SFSWAP: variants seen among roughly 807,000 people sequenced by gnomAD.
The protein encoded by SFSWAP is splicing factor, suppressor of white-apricot homolog.
In SFSWAP, 17 loss-of-function variants were observed where a neutral mutation model predicts 100.7. The observed-to-expected ratio is 0.17, with a 90% CI of 0.12 to 0.25. The LOEUF is 0.25. Ranked by LOEUF, SFSWAP falls within the 10% of genes least tolerant of loss-of-function variation. The pLI is 1.00. For synonymous variants in SFSWAP, 504 were observed against 510.1 expected (o/e 0.99, Z 0.16); for missense variants, 1,005 against 1,262.6 (o/e 0.80, Z 3.09).
intron 7 of SFSWAP, among the ~76,000 whole-genome samples, chr12:131,750,783 C>T (rs1054064463): frequency 3.3e-5 from 5 of 152,214 alleles, no homozygotes; most frequent in Admixed American, 3.3e-4. Flanking sequence ...CCCCAAACTC[C>T]TGGGCTCAAG....
At chr12:131,771,699 G>GCTGGA (rs1343810385) in intron 13 of SFSWAP, among the ~76,000 whole-genome samples, 1 of 139,046 alleles carries the variant, frequency 7.2e-6, no homozygotes, top group Non-Finnish European at 1.5e-5. Flanking sequence ...CTGTCTCCAG[G>GCTGGA]CTGGAGTGCA....
intron 13 of SFSWAP, among the ~76,000 whole-genome samples, chr12:131,774,686 T>C (rs1343137693): frequency 1.3e-5 from 2 of 152,204 alleles, no homozygotes; most frequent in Non-Finnish European, 2.9e-5. Flanking sequence ...AAAAAAGCAG[T>C]AATGTCAACA....
At chr12:131,751,445 G>A (rs61942899) in intron 7 of SFSWAP, among the ~76,000 whole-genome samples, 3,142 of 152,302 alleles carry the variant, frequency 0.021, 56 homozygotes, top group Middle Eastern at 0.034. Context: ...GTAGCCAGTC[G>A]GTAGTGGGGT....
chr12:131,711,267 G>A lies in SFSWAP; in HGVS notation c.38G>A (p.Arg13Lys). 1 of 1,611,336 alleles carries A rather than the reference G, an allele frequency of 6.2e-7. No individual in the cohort carries two copies. ...GASGGRAKPERKSGAKEEAGP... is the reference protein window; with the variant it reads ...GASGGRAKPEKKSGAKEEAGP... ...AGCGGGGGCCGCGCCAAACCCGAGA[G>A]GAAAAGCGGCGCGAAGGAGGAGGCC... The change falls in exon 1 of 18, where the codon AGG becomes AAG. Residue 13 changes from arginine (R) to lysine (K), a missense_variant. Around this residue, in one of 7 missense-constraint regions of SFSWAP, gnomAD observed 237 missense variants for 337.0 expected, o/e 0.70. Coordinates refer to ENST00000261674, the MANE Select transcript of SFSWAP (RefSeq NM_004592.4). This position sits in a 1 kb window ranked among gnomAD's most constrained non-coding sequence, Gnocchi z 4.9.
intron 14 of SFSWAP, chr12:131,786,001 C>G (rs1884863040): frequency 6.5e-6 from 1 of 153,968 alleles, no homozygotes; most frequent in African/African-American, 2.4e-5. Context: ...AGTTTGATTG[C>G]CTTTTCTTAC....
chr12:131,720,370 T>C (rs1405479163), intron 4 of SFSWAP, among the ~76,000 whole-genome samples: 3 of 152,194 alleles, frequency 2.0e-5, no homozygotes, highest in Non-Finnish European at 2.9e-5. Context: ...ACTGGGAACG[T>C]TGGTCTTAAC....
chr12:131,729,894 C>T (rs1879340025), intron 7 of SFSWAP, among the ~76,000 whole-genome samples: 1 of 152,206 alleles, frequency 6.6e-6, no homozygotes, highest in Non-Finnish European at 1.5e-5. Flanking sequence ...GTTCTTTGCA[C>T]TTCCCTTTTA....
rs771446213 is a variant in SFSWAP, at chr12:131,714,265, C to A, written c.388+25C>A. ...GGTACTGCTCAAGACAAACTTACTT[C>A]AGCAACAAACTTTTTAAAATTTTTA... On this transcript the variant is annotated intron_variant, in intron 2 of 17. Coordinates refer to ENST00000261674, the MANE Select transcript of SFSWAP (RefSeq NM_004592.4). This position sits in a 1 kb window ranked among gnomAD's most constrained non-coding sequence, Gnocchi z 6.0. 6 of 1,559,974 alleles carry A rather than the reference C, an allele frequency of 3.8e-6. No homozygotes were observed. In the East Asian group the frequency reaches 1.4e-4, roughly 35 times the overall value.
At position 131,725,086 on chromosome 12, in the gene SFSWAP, T is replaced by G. The variant is rs1283428860; in HGVS notation, c.607-319T>G. Among the ~76,000 whole-genome samples, 1 of 152,198 alleles carries G rather than the reference T, an allele frequency of 6.6e-6. No homozygotes were observed. The highest frequency in any genetic ancestry group is 2.4e-5 in the African/African-American group (1 of 41,460). On this transcript the variant is annotated intron_variant, in intron 4 of 17. Transcript: ENST00000261674. This position sits in a 1 kb window ranked among gnomAD's most constrained non-coding sequence, Gnocchi z 4.3. ...TTGTAAAATTCACATGCACAGAGGA[T>G]TCACAAACCCCCTGAATTCCATCAT... is the stretch of plus-strand genomic sequence containing the variant.
chr12:131,764,385 A>T (rs1345093099), intron 11 of SFSWAP, 71 bp from the exon 12 acceptor site: 3 of 1,215,730 alleles, frequency 2.5e-6, no homozygotes, highest in Non-Finnish European at 3.6e-6. Context: ...GCCGATGCTC[A>T]GGTGGGTAGC....
In SFSWAP at chr12:131,727,007, T is replaced by C. The variant is rs1419159417; in HGVS notation, c.900T>C (p.Ser300=). ...DEEDGNYLHP[S]LFASKKCNRL... ...AAGATGGGAATTACCTTCATCCCTC[T>C]CTCTTTGCCTCCAAGAAGTGTAACC... Residue 300 remains serine, a synonymous_variant, in exon 6 of 18, where the codon TCT becomes TCC. Coordinates refer to ENST00000261674, the MANE Select transcript of SFSWAP (RefSeq NM_004592.4). 1 of 1,607,720 alleles carries C rather than the reference T, an allele frequency of 6.2e-7. No individual in the cohort carries two copies. Among genetic ancestry groups the C allele is most frequent in the Admixed American group, 1.7e-5 (1 of 59,004 alleles).
Position 131,778,380 on chromosome 12 carries a change from C to G in SFSWAP, c.2408+50C>G. On this transcript the variant is annotated intron_variant, in intron 14 of 17. Coordinates refer to ENST00000261674, the MANE Select transcript of SFSWAP (RefSeq NM_004592.4). This position sits in a 1 kb window ranked among gnomAD's most constrained non-coding sequence, Gnocchi z 4.2. Reference sequence around the variant, plus strand: ...CTGGTACCCTCATGACCCCCATGTCCTTCACAGGACACCCAGTAGAGCTAG... The same window carrying G: ...CTGGTACCCTCATGACCCCCATGTCGTTCACAGGACACCCAGTAGAGCTAG... 1 of 1,581,476 alleles carries G rather than the reference C, an allele frequency of 6.3e-7. No individual in the cohort carries two copies. Among genetic ancestry groups the G allele is most frequent in the Non-Finnish European group, 8.6e-7 (1 of 1,165,078 alleles).
At chr12:131,721,118 C>G (rs774603850) in intron 4 of SFSWAP, among the ~76,000 whole-genome samples, 2 of 152,106 alleles carry the variant, frequency 1.3e-5, no homozygotes, top group African/African-American at 4.8e-5. Context: ...CCAGATCTTA[C>G]GACAGCTCAT....
At chr12:131,735,864 C>T in intron 7 of SFSWAP, among the ~76,000 whole-genome samples, 1 of 152,246 alleles carries the variant, frequency 6.6e-6, no homozygotes, top group Non-Finnish European at 1.5e-5. Context: ...GCTTCATTTT[C>T]ACAGAAATGA....
At chr12:131,728,817 G>A (rs753955422) in intron 7 of SFSWAP, among the ~76,000 whole-genome samples, 5 of 151,584 alleles carry the variant, frequency 3.3e-5, no homozygotes, top group East Asian at 3.9e-4. Flanking sequence ...CTCCCACCTC[G>A]GTCTCTCTAG....
At chr12:131,747,743 G>A (rs191683866) in intron 7 of SFSWAP, among the ~76,000 whole-genome samples, 2 of 152,336 alleles carry the variant, frequency 1.3e-5, no homozygotes, top group East Asian at 3.9e-4. Context: ...GGGGACTACA[G>A]AGGAGAGGCA....
At chr12:131,750,234 C>T (rs1483393682) in intron 7 of SFSWAP, among the ~76,000 whole-genome samples, 1 of 152,188 alleles carries the variant, frequency 6.6e-6, no homozygotes, top group Non-Finnish European at 1.5e-5. Context: ...AACGGTGTAG[C>T]GGAATTCATG....
chr12:131,741,684 GC>G (rs1429873034), intron 7 of SFSWAP, among the ~76,000 whole-genome samples: 1 of 151,944 alleles, frequency 6.6e-6, no homozygotes, highest in East Asian at 1.9e-4. Context: ...TCTGCTGATG[GC>G]TGTACAAGAA....
chr12:131,776,387 G>A (rs529061043), intron 13 of SFSWAP, among the ~76,000 whole-genome samples: 1 of 152,322 alleles, frequency 6.6e-6, no homozygotes, highest in East Asian at 1.9e-4. Flanking sequence ...CAGCAAGGAG[G>A]CTGAACAGAG....
Sources: allele counts gnomAD v4.1 joint callset (sites outside exome capture counted in the v4.1 genomes callset), GRCh38; gene constraint gnomAD v4.1.1; regional missense constraint gnomAD v4.1.1; non-coding constraint Gnocchi (gnomAD v3.1); transcripts MANE v1.5; gene names NCBI Gene and HGNC (gene_info 2026-07-23, HGNC 2026-07-21).